Variants in PLA2G5 observed in about 807,000 individuals in gnomAD.
PLA2G5 encodes the protein Ca2+-dependent phospholipase A2.
In PLA2G5, 12 loss-of-function variants were observed where a neutral mutation model predicts 15.9. The ratio of observed to expected loss-of-function variants is 0.76; its 90% CI spans 0.48 to 1.23. PLA2G5 has a LOEUF of 1.23. Ranked by LOEUF, PLA2G5 falls within the 50% of genes most tolerant of loss-of-function variation. PLA2G5 has a pLI of 0.00. For synonymous variants in PLA2G5, 71 were observed against 71.4 expected (o/e 0.99, Z 0.03); for missense variants, 169 against 177.1 (o/e 0.95, Z 0.26).
intron 2 of PLA2G5, 24 bp downstream of exon 2, chr1:20,084,894 C>T (rs751734344): frequency 6.4e-6 from 10 of 1,559,598 alleles, no homozygotes; most frequent in African/African-American, 2.7e-5. Context: ...CCGTGACCTT[C>T]GAATGAACTT....
chr1:20,063,535 T>A (rs529637967), intron 2 of PLA2G5: 2 of 152,192 alleles, frequency 1.3e-5, no homozygotes, highest in African/African-American at 4.8e-5. Flanking sequence ...AGATGTGAAG[T>A]CGAGCAGCTG....
At chr1:20,066,955 AT>A (rs1401494837), upstream of PLA2G5, among the ~76,000 whole-genome samples, 2 of 152,078 alleles carry the variant, frequency 1.3e-5, no homozygotes, top group Non-Finnish European at 2.9e-5. Context: ...GTAGTGAGCC[AT>A]TATCACACCA....
intron 1 of PLA2G5, among the ~76,000 whole-genome samples, chr1:20,034,906 G>A (rs993546938): frequency 3.9e-5 from 6 of 152,048 alleles, no homozygotes; most frequent in Non-Finnish European, 8.8e-5. Context: ...ATCTGGAAAG[G>A]AGGAAAAAGG....
At chr1:20,075,170 G>A (rs1051941013) in intron 1 of PLA2G5, among the ~76,000 whole-genome samples, 2 of 152,184 alleles carry the variant, frequency 1.3e-5, no homozygotes, top group Non-Finnish European at 2.9e-5. Context: ...TCTTTGGACA[G>A]GGCCTATTCA....
chr1:20,074,291 G>A (rs1430848785), intron 1 of PLA2G5, among the ~76,000 whole-genome samples: 2 of 152,062 alleles, frequency 1.3e-5, no homozygotes, highest in Non-Finnish European at 2.9e-5. Context: ...CATTGCTCTT[G>A]TAACATATCT....
chr1:20,070,131 C>G (rs2015273642), upstream of PLA2G5: 3 of 888,672 alleles, frequency 3.4e-6, no homozygotes, highest in Non-Finnish European at 4.0e-6. Flanking sequence ...ACTGCCCAGC[C>G]CCTTTGGCAG....
At chr1:20,086,917 TA>T (rs994242888) in intron 3 of PLA2G5, among the ~76,000 whole-genome samples, 9 of 152,180 alleles carry the variant, frequency 5.9e-5, no homozygotes, top group African/African-American at 2.2e-4. Context: ...CCAACTGGGT[TA>T]ACAATTCTGA....
At position 20,034,959 on chromosome 1, in the gene PLA2G5, A is replaced by C. The variant is rs552192250; in HGVS notation, n.276+6250A>C. 9.9e-5 allele frequency among the ~76,000 whole-genome samples: 15 copies of C among 152,014 alleles called. No homozygotes were observed. In the South Asian group the frequency reaches 1.9e-3, roughly 19 times the overall value. On this transcript the variant is annotated intron_variant and non_coding_transcript_variant, in intron 1 of 6. Coordinates refer to the PLA2G5 transcript ENST00000460175. ...GGAGACAGGTGTTGGATGTGATGAG[A>C]ATGAGGGAAGGGGGCTGGGAACAGG...
At position 20,090,559 on chromosome 1, in the gene PLA2G5, C is replaced by T. The variant is rs779714423; in HGVS notation, c.293-9C>T. On this transcript the variant is annotated splice_polypyrimidine_tract_variant and intron_variant, in intron 4 of 4. Coordinates refer to ENST00000375108, the MANE Select transcript of PLA2G5 (RefSeq NM_000929.3). Reference sequence around the variant, plus strand: ...CCACCCTCATTCTGCTCTTGGTGTCCTTTTGCAGAGCCCGGGCCCTTCTGC... The same window carrying T: ...CCACCCTCATTCTGCTCTTGGTGTCTTTTTGCAGAGCCCGGGCCCTTCTGC... 17 of 1,614,060 alleles carry T rather than the reference C, an allele frequency of 1.1e-5. No individual in the cohort carries two copies. The South Asian group carries it at 1.3e-4, about 13-fold the overall frequency.
intron 1 of PLA2G5, among the ~76,000 whole-genome samples, chr1:20,054,350 G>A (rs1042887084): frequency 6.6e-6 from 1 of 152,206 alleles, no homozygotes; most frequent in Admixed American, 6.5e-5. Flanking sequence ...TCTAGGGTGT[G>A]TCTGTCATGG....
At chr1:20,045,366 G>A (rs1261580454) in intron 1 of PLA2G5, among the ~76,000 whole-genome samples, 1 of 152,084 alleles carries the variant, frequency 6.6e-6, no homozygotes. Flanking sequence ...GCATCCCTGC[G>A]GTGATCAGAC....
rs969149492 is a variant in PLA2G5 at position 20,056,905 on chromosome 1, C to T, written n.277-2727C>T. On this transcript the variant is annotated intron_variant and non_coding_transcript_variant, in intron 1 of 6. Transcript: ENST00000460175. ...TTCAATTTATTTAATAGATGCTGGT[C>T]TATTCAAATGATCTATTTCTTCTTA... Among the ~76,000 whole-genome samples the T allele has an allele frequency of 3.3e-5, 5 of 152,098 alleles. 1 individual carries two copies. The highest frequency in any genetic ancestry group is 1.2e-4 in the African/African-American group (5 of 41,424).
intron 1 of PLA2G5, among the ~76,000 whole-genome samples, chr1:20,037,080 ATTT>A: frequency 6.6e-6 from 1 of 152,040 alleles, no homozygotes; most frequent in Non-Finnish European, 1.5e-5. Context: ...CTTGGTTTGG[ATTT>A]ATTGGTGGTG....
At chr1:20,066,791 G>A (rs2015054400), upstream of PLA2G5, among the ~76,000 whole-genome samples, 1 of 152,124 alleles carries the variant, frequency 6.6e-6, no homozygotes, top group South Asian at 2.1e-4. Context: ...AGGACTGCTT[G>A]AGGCCAGGAG....
chr1:20,078,557 G>A (rs2015824351), intron 1 of PLA2G5, among the ~76,000 whole-genome samples: 2 of 152,164 alleles, frequency 1.3e-5, no homozygotes, highest in African/African-American at 4.8e-5. Context: ...TTTCCCACCA[G>A]CCACAAGGGC....
At chr1:20,068,675 TC>T (rs2015180567), upstream of PLA2G5, among the ~76,000 whole-genome samples, 1 of 152,072 alleles carries the variant, frequency 6.6e-6, no homozygotes. Context: ...GGTCTGGAAC[TC>T]CCGACCTCAG....
chr1:20,084,845 C>A lies in PLA2G5; in HGVS notation c.15C>A (p.Leu5=). 6.2e-7 allele frequency: 1 copy of A among 1,610,444 alleles called. No individual in the cohort carries two copies. The highest frequency in any genetic ancestry group is 8.5e-7 in the Non-Finnish European group (1 of 1,176,678). The change falls in exon 2 of 5, where the codon CTC becomes CTA. Residue 5 remains leucine, a synonymous_variant. Transcript: ENST00000375108. ...GAACCCCAGAGATGAAAGGCCTCCT[C>A]CCACTGGCTTGGTTCCTGGCTTGTA... is the stretch of plus-strand genomic sequence containing the variant. MKGL[L]PLAWFLACSV... is the part of the protein sequence containing the mutation.
At chr1:20,059,430 A>G (rs1334362553) in intron 1 of PLA2G5, among the ~76,000 whole-genome samples, 1 of 152,108 alleles carries the variant, frequency 6.6e-6, no homozygotes, top group Non-Finnish European at 1.5e-5. Context: ...CTAAAAAAAA[A>G]AAGAGAGAGA....
intron 1 of PLA2G5, among the ~76,000 whole-genome samples, chr1:20,040,531 A>C (rs1400006806): frequency 2.0e-5 from 3 of 152,016 alleles, no homozygotes; most frequent in African/African-American, 7.3e-5. Context: ...CTGGGAACTA[A>C]GAGTGCTCAT....
Sources: allele counts gnomAD v4.1 joint callset (sites outside exome capture counted in the v4.1 genomes callset), GRCh38; gene constraint gnomAD v4.1.1; transcripts MANE v1.5; gene names NCBI Gene and HGNC (gene_info 2026-07-23, HGNC 2026-07-21).